CPAMD8: variants seen among roughly 807,000 people sequenced by gnomAD.
CPAMD8 encodes C3 and PZP-like alpha-2-macroglobulin domain-containing protein 8.
Under a neutral mutation model 224.7 loss-of-function variants are expected in CPAMD8, and 146 were observed. That is an observed-to-expected ratio of 0.65 (90% CI 0.57 to 0.75). CPAMD8 has a LOEUF of 0.75. Ranked by LOEUF, CPAMD8 falls within the 30% of genes least tolerant of loss-of-function variation. The pLI is 0.00. For missense variants in CPAMD8, 2,301 were observed against 2,537.5 expected (o/e 0.91, Z 2.00); for synonymous variants, 966 against 1,044.6 (o/e 0.92, Z 1.45).
At chr19:17,019,950 ATTCTTTTTTTTTTTTCTT>A (rs2056908714) in intron 3 of CPAMD8, among the ~76,000 whole-genome samples, 1 of 132,572 alleles carries the variant, frequency 7.5e-6, no homozygotes, top group South Asian at 2.4e-4. Flanking sequence ...TCCCAATTCA[ATTCTTTTTTTTTTTTCTT>A]TTCTTTTTTT....
intron 11 of CPAMD8, among the ~76,000 whole-genome samples, chr19:16,996,480 C>T (rs1480017069): frequency 6.6e-6 from 1 of 152,130 alleles, no homozygotes; most frequent in Non-Finnish European, 1.5e-5. Flanking sequence ...AACAGAAGGT[C>T]TACCTTTGCA....
chr19:16,960,075 T>C (rs1390459597), intron 18 of CPAMD8, among the ~76,000 whole-genome samples: 1 of 152,114 alleles, frequency 6.6e-6, no homozygotes, highest in African/African-American at 2.4e-5. Flanking sequence ...ACCACGTTCA[T>C]CTTCATCATC....
rs551203267 is a variant in CPAMD8, at chr19:16,896,772, C to G, written c.5066-107G>C. ...TCCCTGGGTCCCGGGCCCACTACCC[C>G]CTCGGTGGGTCTTGGGGCGCGACAG... On this transcript the variant is annotated intron_variant, in intron 39 of 41. Transcript: ENST00000443236. The G allele has an allele frequency of 3.1e-4, 237 of 754,394 alleles. 1 individual carries two copies. The East Asian group carries it at 6.6e-3, about 21-fold the overall frequency. The allele number at this position is 754,394 out of a possible 1,614,324, so 46.7% of individuals were successfully genotyped here. A position where few individuals can be genotyped will look rare whatever the true frequency, so the allele number is the denominator to read the frequency against.
chr19:16,904,553 C>G lies in CPAMD8; in HGVS notation c.4028-1G>C. 6.2e-7 allele frequency: 1 copy of G among 1,610,298 alleles called. No homozygotes were observed. Among genetic ancestry groups the G allele is most frequent in the Non-Finnish European group, 8.5e-7 (1 of 1,176,500 alleles). On this transcript the variant is annotated splice_acceptor_variant, in intron 30 of 41. Coordinates refer to ENST00000443236, the MANE Select transcript of CPAMD8 (RefSeq NM_015692.5). LOFTEE classifies it high-confidence loss of function. Reference sequence around the variant, plus strand: ...GACAGGCTCCAGTGGGTGACCCCATCTGCAAGGAAAGGAGTGGTCAAGAGC... The same window carrying G: ...GACAGGCTCCAGTGGGTGACCCCATGTGCAAGGAAAGGAGTGGTCAAGAGC...
At chr19:16,974,554 T>C (rs1166972220) in intron 17 of CPAMD8, among the ~76,000 whole-genome samples, 1 of 151,912 alleles carries the variant, frequency 6.6e-6, no homozygotes, top group African/African-American at 2.4e-5. Context: ...ACACGTCCCA[T>C]CACAAGTTCA....
chr19:16,928,053 T>C lies in CPAMD8; in HGVS notation c.3326A>G (p.His1109Arg), dbSNP rs773791154. The C allele has an allele frequency of 6.2e-7, 1 of 1,613,868 alleles. No individual in the cohort carries two copies. The highest frequency in any genetic ancestry group is 1.1e-5 in the South Asian group (1 of 91,082). The change falls in exon 25 of 42, where the codon CAC (histidine) becomes CGC (arginine). Residue 1109 changes from histidine to arginine, a missense_variant. Transcript: ENST00000443236. ...TCGCTCAGACCCAGGGATGGCGCCG[T>C]GTGGGACCCCCAGGGTGAAGGCCTC... ...YSEAFTLGVP[H>R]GAIPGSERAT...
intron 41 of CPAMD8, chr19:16,894,124 A>C (rs1213278859): frequency 9.4e-6 from 2 of 212,734 alleles, no homozygotes; most frequent in African/African-American, 4.5e-5. Flanking sequence ...GCCCAGCTCC[A>C]AGGCTGGGGG....
chr19:16,975,375 C>T, intron 16 of CPAMD8, 117 bp from the exon 17 acceptor site: 3 of 772,362 alleles, frequency 3.9e-6, no homozygotes, highest in Non-Finnish European at 6.4e-6. Context: ...TGACAACCTC[C>T]AGGAGATGGG....
chr19:16,922,768 G>A (rs549916200), intron 26 of CPAMD8, among the ~76,000 whole-genome samples: 1 of 152,064 alleles, frequency 6.6e-6, no homozygotes, highest in South Asian at 2.1e-4. Context: ...TGGGGTCCTT[G>A]AAACTACCCT....
intron 27 of CPAMD8, 67 bp downstream of exon 27, chr19:16,921,838 T>G: frequency 2.0e-6 from 2 of 1,010,620 alleles, no homozygotes; most frequent in Non-Finnish European, 3.0e-6. Flanking sequence ...TCACACTGCA[T>G]TGGATGTGAG....
chr19:16,972,465 C>T (rs973549796), intron 17 of CPAMD8, among the ~76,000 whole-genome samples: 1 of 152,056 alleles, frequency 6.6e-6, no homozygotes, highest in Admixed American at 6.6e-5. Context: ...CGGAGTCTCA[C>T]TCTGTCGCCC....
Position 16,952,185 on chromosome 19 carries a change from C to T in CPAMD8, c.2292G>A (p.Glu764=). 1 of 1,535,998 alleles carries T rather than the reference C, an allele frequency of 6.5e-7. No individual in the cohort carries two copies. ...CCGGGACCTTCACACTGAGTGTCCC[C>T]TCACCAGATGGGTCACTGCGGAGAG... ...HCLNISDPSG[E]GTLSVKVPDS... is the part of the protein sequence containing the mutation. Residue 764 remains glutamate, a synonymous_variant, in exon 20 of 42, where the codon GAG becomes GAA. Transcript: ENST00000443236.
chr19:16,894,929 C>CACAT (rs1235289245), intron 41 of CPAMD8: 1 of 165,644 alleles, frequency 6.0e-6, no homozygotes, highest in African/African-American at 2.6e-5. Context: ...ACAACACACA[C>CACAT]ACACACACAC....
At chr19:16,980,441 C>T (rs2055467642) in intron 14 of CPAMD8, 56 bp downstream of exon 14, 1 of 1,543,698 alleles carries the variant, frequency 6.5e-7, no homozygotes, top group African/African-American at 1.4e-5. Context: ...GCACCCATCT[C>T]AGTCTCAATT....
chr19:17,008,794 A>G, intron 6 of CPAMD8: 1 of 577,060 alleles, frequency 1.7e-6, no homozygotes, highest in Non-Finnish European at 3.1e-6. Flanking sequence ...GTACAAACCT[A>G]GAAATGGACG....
intron 20 of CPAMD8, among the ~76,000 whole-genome samples, chr19:16,950,788 G>A (rs1422076239): frequency 8.8e-6 from 1 of 113,010 alleles, no homozygotes; most frequent in Non-Finnish European, 1.7e-5. Context: ...GTAAGACCCT[G>A]TCTCGAAAAA....
chr19:16,983,505 T>C (rs936704767), intron 13 of CPAMD8, among the ~76,000 whole-genome samples: 4 of 152,060 alleles, frequency 2.6e-5, no homozygotes, highest in Admixed American at 6.6e-5. Context: ...CGGACTAATA[T>C]ACTGAGTGAC....
chr19:16,954,944 C>T lies in CPAMD8; in HGVS notation c.2277-2744G>A, dbSNP rs551996567. Among the ~76,000 whole-genome samples, 3 of 152,198 alleles carry T rather than the reference C, an allele frequency of 2.0e-5. No individual in the cohort carries two copies. In the East Asian group the frequency reaches 5.8e-4, roughly 29 times the overall value. ...GAGATCGATACCATCCTGGGTAACA[C>T]GGTGAAACCCCGTCTCTACTAAAAA... On this transcript the variant is annotated intron_variant, in intron 19 of 41. Coordinates refer to ENST00000443236, the MANE Select transcript of CPAMD8 (RefSeq NM_015692.5).
At position 16,963,692 on chromosome 19, in the gene CPAMD8, C is replaced by T. The variant is rs145274407; in HGVS notation, c.2214-5777G>A. 4.2e-3 allele frequency among the ~76,000 whole-genome samples: 644 copies of T among 152,244 alleles called. 2 individuals are homozygous for T. The highest frequency in any genetic ancestry group is 6.9e-3 in the Non-Finnish European group (471 of 68,020). ...TGAACTCAGCTCTGCACCAAGCAGA[C>T]CTAATAGACATCTACAGAACTCTCC... On this transcript the variant is annotated intron_variant, in intron 18 of 41. Transcript: ENST00000443236.
Sources: gnomAD v4.1 joint callset for allele counts (sites outside exome capture counted in the v4.1 genomes callset) on GRCh38, gnomAD v4.1.1 for gene constraint, MANE v1.5 for transcripts, NCBI Gene and HGNC (gene_info 2026-07-23, HGNC 2026-07-21) for gene names.